The following SETBP1 variants were observed in gnomAD, a reference collection of about 807,000 sequenced individuals.
SETBP1 encodes SET-binding protein.
Under a neutral mutation model 101.0 loss-of-function variants are expected in SETBP1, and 9 were observed. The observed-to-expected ratio is 0.09, with a 90% CI of 0.05 to 0.16. The LOEUF is 0.16. Among genes scored for constraint, SETBP1 ranks in the 10% least tolerant of loss-of-function variants. SETBP1 has a pLI of 1.00. For synonymous variants in SETBP1, 818 were observed against 788.5 expected, an observed-to-expected ratio of 1.04 and a Z score of -0.63; for missense variants, 1,858 against 2,033.8, an observed-to-expected ratio of 0.91 and a Z score of 1.66.
chr18:44,801,838 ACG>A (rs1434489102), intron 2 of SETBP1, among the ~76,000 whole-genome samples: 4 of 122,300 alleles, frequency 3.3e-5, no homozygotes, highest in African/African-American at 5.9e-5. Context: ...AGCACTTCCT[ACG>A]TTGTGGTAGT....
chr18:44,925,014 T>TTG (rs1568219250), intron 3 of SETBP1, among the ~76,000 whole-genome samples: 64 of 143,048 alleles, frequency 4.5e-4, no homozygotes, highest in East Asian at 1.8e-3. Context: ...TGAGTTTTTT[T>TTG]TTTTTTTTTT....
chr18:44,988,152 A>C (rs1448422974), intron 4 of SETBP1: 11 of 152,258 alleles, frequency 7.2e-5, no homozygotes, highest in Non-Finnish European at 1.5e-4. Flanking sequence ...CACAAATATC[A>C]TGTTTAAAAC....
At position 44,898,242 on chromosome 18, in the gene SETBP1, T is replaced by C. The variant is rs958302239; in HGVS notation, c.540+28959T>C. 3.9e-5 allele frequency among the ~76,000 whole-genome samples: 6 copies of C among 152,208 alleles called. No homozygotes were observed. In the East Asian group the frequency reaches 1.2e-3, roughly 29 times the overall value. ...ATATTTATAACTCATGACCTTTAAA[T>C]TGAGTTACACTATTAAGCACCAATG... is the stretch of plus-strand genomic sequence containing the variant. On this transcript the variant is annotated intron_variant, in intron 3 of 5. Transcript: ENST00000649279.
chr18:45,053,544 A>G (rs527357899), intron 5 of SETBP1, among the ~76,000 whole-genome samples: 3 of 152,338 alleles, frequency 2.0e-5, no homozygotes, highest in South Asian at 4.1e-4. Flanking sequence ...GTCCTGGTCA[A>G]TATGTTTTCC....
chr18:44,783,684 C>A (rs1479051505), intron 2 of SETBP1, among the ~76,000 whole-genome samples: 1 of 152,140 alleles, frequency 6.6e-6, no homozygotes, highest in Non-Finnish European at 1.5e-5. Context: ...ATATTTGATT[C>A]TTTCAGCAAT....
chr18:44,689,696 G>A (rs961876588), intron 1 of SETBP1, among the ~76,000 whole-genome samples: 1 of 152,220 alleles, frequency 6.6e-6, no homozygotes, highest in Admixed American at 6.5e-5. Context: ...GCTTTGAGGA[G>A]TAGGTGGAAC....
At chr18:44,935,263 T>G (rs1282912790) in intron 3 of SETBP1, among the ~76,000 whole-genome samples, 1 of 152,202 alleles carries the variant, frequency 6.6e-6, no homozygotes, top group African/African-American at 2.4e-5. Flanking sequence ...CATTTTAGAC[T>G]TGATTTATAA....
chr18:44,945,041 G>C (rs544593581), intron 3 of SETBP1, among the ~76,000 whole-genome samples: 1 of 151,976 alleles, frequency 6.6e-6, no homozygotes, highest in Non-Finnish European at 1.5e-5. Flanking sequence ...GGATACAGGT[G>C]CACAACATGC....
chr18:44,866,778 G>A (rs1251356130), intron 2 of SETBP1, among the ~76,000 whole-genome samples: 1 of 152,184 alleles, frequency 6.6e-6, no homozygotes, highest in East Asian at 1.9e-4. Flanking sequence ...CTTATGCCCA[G>A]CTCAAGCTAG....
At chr18:44,818,006 T>C (rs2072020478) in intron 2 of SETBP1, among the ~76,000 whole-genome samples, 1 of 152,232 alleles carries the variant, frequency 6.6e-6, no homozygotes, top group South Asian at 2.1e-4. Context: ...GGCTTGAACA[T>C]TGTTTTAACC....
Position 44,951,638 on chromosome 18 carries a change from G to A in SETBP1, c.2298G>A (p.Gln766=), listed in dbSNP as rs1366152088. The A allele has an allele frequency of 1.2e-6, 2 of 1,614,176 alleles. 1 individual carries two copies. The highest frequency in any genetic ancestry group is 3.3e-5 in the Admixed American group (2 of 60,028). The change falls in exon 4 of 6, where the codon CAG becomes CAA. Residue 766 remains glutamine (Q), a synonymous_variant. Transcript: ENST00000649279. The surrounding 1 kb of genome is among the most constrained non-coding windows in gnomAD (Gnocchi z 7.8). ...PDVPAVPSNF[Q]SLVASSPAAM... is the part of the protein sequence containing the mutation. ...TTCCAGCCGTGCCTTCCAACTTTCA[G>A]TCACTTGTGGCGTCTTCACCAGCAG...
At chr18:44,931,436 C>T (rs1011124967) in intron 3 of SETBP1, among the ~76,000 whole-genome samples, 3 of 152,168 alleles carry the variant, frequency 2.0e-5, no homozygotes, top group Non-Finnish European at 4.4e-5. Context: ...GTGGAGACTT[C>T]TGTACATGTC....
At chr18:45,013,659 C>T (rs922571317) in intron 4 of SETBP1, among the ~76,000 whole-genome samples, 3 of 152,124 alleles carry the variant, frequency 2.0e-5, no homozygotes, top group Non-Finnish European at 1.5e-5. Flanking sequence ...AGACTGGTCT[C>T]GAACTCCTGA....
At chr18:45,052,111 C>T (rs1423388853) in intron 5 of SETBP1, among the ~76,000 whole-genome samples, 1 of 152,240 alleles carries the variant, frequency 6.6e-6, no homozygotes, top group Non-Finnish European at 1.5e-5. Context: ...CTGGCACAAA[C>T]TGGGCCTGAA....
At chr18:44,884,220 A>C (rs191839140) in intron 3 of SETBP1, among the ~76,000 whole-genome samples, 62 of 152,310 alleles carry the variant, frequency 4.1e-4, no homozygotes, top group African/African-American at 1.4e-3. Flanking sequence ...GACCTTGTTC[A>C]AGGTGGATTA....
At chr18:44,692,019 C>A (rs2068943192) in intron 1 of SETBP1, among the ~76,000 whole-genome samples, 1 of 152,250 alleles carries the variant, frequency 6.6e-6, no homozygotes, top group East Asian at 1.9e-4. Flanking sequence ...AAGAGAAGAG[C>A]AATAATCAAA....
intron 5 of SETBP1, among the ~76,000 whole-genome samples, chr18:45,039,216 A>G (rs1357823306): frequency 6.6e-6 from 1 of 152,148 alleles, no homozygotes; most frequent in Non-Finnish European, 1.5e-5. Context: ...TGAATTTCTC[A>G]GTAGTTCCCA....
intron 4 of SETBP1, among the ~76,000 whole-genome samples, chr18:45,014,061 C>T (rs778404943): frequency 1.3e-5 from 2 of 152,002 alleles, no homozygotes; most frequent in Non-Finnish European, 2.9e-5. Flanking sequence ...TGAGACAGTA[C>T]AGCAAAATGA....
intron 2 of SETBP1, among the ~76,000 whole-genome samples, chr18:44,848,163 G>A (rs1435325974): frequency 6.6e-6 from 1 of 152,062 alleles, no homozygotes; most frequent in Non-Finnish European, 1.5e-5. Flanking sequence ...GTAAACTACT[G>A]GGTAAGAAGA....
Sources: gnomAD v4.1 joint callset for allele counts (sites outside exome capture counted in the v4.1 genomes callset) on GRCh38, gnomAD v4.1.1 for gene constraint, Gnocchi (gnomAD v3.1) non-coding constraint, MANE v1.5 for transcripts, NCBI Gene and HGNC (gene_info 2026-07-23, HGNC 2026-07-21) for gene names.